Variants in INPPL1 observed in about 807,000 individuals in gnomAD.
INPPL1 encodes the protein inositol polyphosphate phosphatase like 1, also known as phosphatidylinositol 3,4,5-trisphosphate 5-phosphatase 2.
In INPPL1, 91 loss-of-function variants were observed where a neutral mutation model predicts 139.3. That is an observed-to-expected ratio of 0.65 (90% CI 0.55 to 0.78). The LOEUF (loss-of-function observed/expected upper bound fraction) is 0.78, where lower values mean the gene tolerates loss of function less well. INPPL1 is among the 30% of genes least tolerant of loss of function. The pLI is 0.00. For missense variants in INPPL1, 1,411 were observed against 1,665.6 expected (o/e 0.85, Z 2.66); for synonymous variants, 719 against 686.6 (o/e 1.05, Z -0.74).
chr11:72,228,160 T>TG lies in INPPL1; in HGVS notation c.183-29dup. 1 of 1,613,198 alleles carries TG rather than the reference T, an allele frequency of 6.2e-7. No individual in the cohort carries two copies. The highest frequency in any genetic ancestry group is 8.5e-7 in the Non-Finnish European group (1 of 1,179,382). On this transcript the variant is annotated intron_variant, in intron 1 of 27. Coordinates refer to ENST00000298229, the MANE Select transcript of INPPL1 (RefSeq NM_001567.4). The surrounding 1 kb of genome is among the most constrained non-coding windows in gnomAD (Gnocchi z 5.0). ...TGGGTCTTAGACCCCAGCCTGGGGGTGACAGATTCTGGCCCTGCCTTGGCA... is the reference window on the plus strand; with the variant it reads ...TGGGTCTTAGACCCCAGCCTGGGGGTGGACAGATTCTGGCCCTGCCTTGGCA...
rs777437863 is a variant in INPPL1 at position 72,235,121 on chromosome 11, A to G, written c.2421A>G (p.Lys807=). ...TGGGCCTCCCTGCTTCCCAGCTCAA[A>G]CCAATTCTGGCTGATATCGAGTACC... The part of the protein sequence containing the change: ...QWSSRQLPTL[K]PILADIEYLQ... The change falls in exon 22 of 28, where the codon AAA becomes AAG. Residue 807 remains lysine (K), a synonymous_variant. Coordinates refer to ENST00000298229, the MANE Select transcript of INPPL1 (RefSeq NM_001567.4). The surrounding 1 kb of genome is among the most constrained non-coding windows in gnomAD (Gnocchi z 4.9). The G allele has an allele frequency of 1.3e-5, 21 of 1,613,726 alleles. No individual in the cohort carries two copies. Among genetic ancestry groups the G allele is most frequent in the Non-Finnish European group, 1.8e-5 (21 of 1,179,918 alleles).
At position 72,225,145 on chromosome 11, in the gene INPPL1, G is replaced by C; in HGVS notation, c.161G>C (p.Gly54Ala). ...FLVRDSESVA[G>A]AFALCVLYQK... ...GTCCGAGACAGCGAGAGCGTGGCGG[G>C]GGCCTTCGCGCTCTGCGTCCTGTGA... Residue 54 changes from glycine (G) to alanine (A), a missense_variant, in exon 1 of 28, where the codon GGG (glycine) becomes GCG (alanine). Around this residue, in one of 5 missense-constraint regions of INPPL1, gnomAD observed 504 missense variants for 595.6 expected, o/e 0.85. Transcript: ENST00000298229. 2 of 1,231,488 alleles carry C rather than the reference G, an allele frequency of 1.6e-6. No homozygotes were observed. The highest frequency in any genetic ancestry group is 4.2e-5 in the Admixed American group (1 of 23,802). The allele number at this position is 1,231,488 out of a possible 1,614,324, so 76.3% of individuals were successfully genotyped here.
upstream of INPPL1, among the ~76,000 whole-genome samples, chr11:72,224,310 G>C (rs547365036): frequency 4.6e-5 from 7 of 151,626 alleles, no homozygotes; most frequent in East Asian, 1.4e-3. Flanking sequence ...TGGGGGCCCC[G>C]CCCGCTTGGG....
chr11:72,234,612 C>T lies in INPPL1; in HGVS notation c.2412C>T (p.Pro804=), dbSNP rs1948929383. The T allele has an allele frequency of 1.9e-6, 3 of 1,612,100 alleles. 1 individual carries two copies. The South Asian group carries it at 3.3e-5, about 18-fold the overall frequency. ...TGCAGTGGTCTTCACGCCAGCTGCC[C>T]ACGGTGAGGCTGTGGGCAGGGCCCC... ...LKVQWSSRQL[P]TLKPILADIE... Residue 804 remains proline (P), a synonymous_variant, in exon 21 of 28, where the codon CCC becomes CCT. Transcript: ENST00000298229. This position sits in a 1 kb window ranked among gnomAD's most constrained non-coding sequence, Gnocchi z 4.2.
Position 72,234,715 on chromosome 11 carries a change from CAG to C in INPPL1, c.2415+117_2415+118del, listed in dbSNP as rs539009625. ...TGCCTGGGAGGGAGTGTGGGGCCAG[CAG>C]AGAGAGAGAGAGAGAGTGTGTGTGT... is the stretch of plus-strand genomic sequence containing the variant. On this transcript the variant is annotated intron_variant, in intron 21 of 27. Coordinates refer to ENST00000298229, the MANE Select transcript of INPPL1 (RefSeq NM_001567.4). This position sits in a 1 kb window ranked among gnomAD's most constrained non-coding sequence, Gnocchi z 4.2. 6,735 of 579,470 alleles carry C rather than the reference CAG, an allele frequency of 0.012. No individual in the cohort carries two copies. The highest frequency in any genetic ancestry group is 0.023 in the South Asian group (1,083 of 47,152). 35.9% of individuals were successfully genotyped at this position (579,470 alleles called of 1,614,324 possible).
intron 1 of INPPL1, among the ~76,000 whole-genome samples, chr11:72,226,700 C>T (rs544849581): frequency 4.3e-4 from 66 of 152,302 alleles, no homozygotes; most frequent in Admixed American, 1.2e-3. Context: ...GGCCTCAAGT[C>T]TGAGGCCCAG....
rs757335516 is a variant in INPPL1, at chr11:72,229,543, C to T, written c.738C>T (p.Arg246=). The change falls in exon 6 of 28, where the codon CGC becomes CGT. Residue 246 remains arginine (R), a synonymous_variant. Coordinates refer to ENST00000298229, the MANE Select transcript of INPPL1 (RefSeq NM_001567.4). The part of the protein sequence containing the change: ...FDQQSSPMVT[R]LLQQQNLPQT... ...AGCAGAGCTCGCCCATGGTGACCCG[C>T]CTTTTGCAGCAGCAGGTAGATTGTA... 18 of 1,614,148 alleles carry T rather than the reference C, an allele frequency of 1.1e-5. No individual in the cohort carries two copies. The highest frequency in any genetic ancestry group is 1.5e-5 in the Non-Finnish European group (18 of 1,180,016).
chr11:72,231,735 C>T (rs1948841128), intron 13 of INPPL1, 120 bp downstream of exon 13: 1 of 717,782 alleles, frequency 1.4e-6, no homozygotes, highest in Non-Finnish European at 2.5e-6. Context: ...ATATAGGGTA[C>T]TTTGAACTTT....
intron 1 of INPPL1, chr11:72,225,671 G>A: frequency 7.3e-6 from 2 of 272,154 alleles, no homozygotes; most frequent in Non-Finnish European, 1.1e-5. Context: ...GCGGTGATGG[G>A]TGGTGTAGAG....
Position 72,237,184 on chromosome 11 carries a change from C to T in INPPL1, c.2940C>T (p.Ser980=), listed in dbSNP as rs1949011031. ...EGVAAPPPKN[S]FNNPAYYVLE... is the part of the protein sequence containing the mutation. ...TGGCGGCCCCCCCACCCAAGAACAG[C>T]TTCAATAACCCTGCCTACTACGTCC... Residue 980 remains serine, a synonymous_variant, in exon 26 of 28, where the codon AGC becomes AGT. Transcript: ENST00000298229. The T allele has an allele frequency of 1.2e-6, 2 of 1,612,872 alleles. No individual in the cohort carries two copies. The highest frequency in any genetic ancestry group is 4.5e-5 in the East Asian group (2 of 44,834).
chr11:72,228,591 A>G lies in INPPL1; in HGVS notation c.397+93A>G. On this transcript the variant is annotated intron_variant, in intron 3 of 27. Transcript: ENST00000298229. This position sits in a 1 kb window ranked among gnomAD's most constrained non-coding sequence, Gnocchi z 5.0. Reference sequence around the variant, plus strand: ...CCCTTCTCAACCCCACCTCTCCTGTAACCCCCTTTCCCTTGGCCATGATGC... The same window carrying G: ...CCCTTCTCAACCCCACCTCTCCTGTGACCCCCTTTCCCTTGGCCATGATGC... 6.6e-7 allele frequency: 1 copy of G among 1,517,098 alleles called. No individual in the cohort carries two copies. The highest frequency in any genetic ancestry group is 1.4e-5 in the African/African-American group (1 of 69,022). 94.0% of individuals were successfully genotyped at this position (1,517,098 alleles called of 1,614,324 possible).
rs70940829 is a variant in INPPL1, at chr11:72,233,177, A to C, written c.2040+14A>C. On this transcript the variant is annotated intron_variant, in intron 17 of 27. Coordinates refer to ENST00000298229, the MANE Select transcript of INPPL1 (RefSeq NM_001567.4). ...AAGCCAACTGGGGTGAGCCAAGAAA[A>C]CGGCATGGGCCTTGGGGGACCGCAG... The C allele has an allele frequency of 1.1e-5, 17 of 1,611,172 alleles. No individual in the cohort carries two copies. In the East Asian group the frequency reaches 3.8e-4, roughly 36 times the overall value.
chr11:72,225,445 G>A (rs1196311221), intron 1 of INPPL1: 2 of 985,264 alleles, frequency 2.0e-6, no homozygotes, highest in East Asian at 1.1e-4. Flanking sequence ...GGCATTCCCC[G>A]GCAGACCCCT....
chr11:72,233,065 C>T lies in INPPL1; in HGVS notation c.1952-10C>T, dbSNP rs1948880821. On this transcript the variant is annotated splice_polypyrimidine_tract_variant and intron_variant, in intron 16 of 27. Coordinates refer to ENST00000298229, the MANE Select transcript of INPPL1 (RefSeq NM_001567.4). ...GGCCCTGAACCCCACCTGTCTCCTG[C>T]TTTCCTTAGGTGAGGAGGAGATCTC... The T allele has an allele frequency of 6.2e-7, 1 of 1,613,634 alleles. No homozygotes were observed. The highest frequency in any genetic ancestry group is 1.1e-5 in the South Asian group (1 of 91,072).
intron 1 of INPPL1, among the ~76,000 whole-genome samples, chr11:72,226,949 CTGTG>C (rs1470831227): frequency 6.6e-6 from 1 of 152,046 alleles, no homozygotes; most frequent in African/African-American, 2.4e-5. Context: ...AGGGGTCTGT[CTGTG>C]AGTGGGGGCT....
chr11:72,237,834 T>C, intron 26 of INPPL1, 38 bp downstream of exon 26: 1 of 1,555,934 alleles, frequency 6.4e-7, no homozygotes, highest in East Asian at 2.4e-5. Context: ...TGTGCCTGAG[T>C]GTGCTTGCCC....
chr11:72,235,068 G>A lies in INPPL1; in HGVS notation c.2416-48G>A. 1 of 1,515,008 alleles carries A rather than the reference G, an allele frequency of 6.6e-7. No individual in the cohort carries two copies. Among genetic ancestry groups the A allele is most frequent in the East Asian group, 2.3e-5 (1 of 44,280 alleles). 93.8% of individuals were successfully genotyped at this position (1,515,008 alleles called of 1,614,324 possible). On this transcript the variant is annotated intron_variant, in intron 21 of 27. Transcript: ENST00000298229. This position sits in a 1 kb window ranked among gnomAD's most constrained non-coding sequence, Gnocchi z 4.9. ...AGGGGGCAGCGCGTAGGAGGGGCAG[G>A]AGGAAGTGGCGGGGCTTTGTTCCTC...
Position 72,238,125 on chromosome 11 carries a change from CTA to C in INPPL1, c.3638_3639del (p.Tyr1213Ter), listed in dbSNP as rs1484650919. The C allele has an allele frequency of 6.3e-7, 1 of 1,583,500 alleles. No individual in the cohort carries two copies. Among genetic ancestry groups the C allele is most frequent in the Non-Finnish European group, 8.6e-7 (1 of 1,165,290 alleles). On this transcript the variant is annotated frameshift_variant, in exon 27 of 28. Coordinates refer to ENST00000298229, the MANE Select transcript of INPPL1 (RefSeq NM_001567.4). LOFTEE classifies it high-confidence loss of function. The part of the protein sequence containing the change: ...AWLRAIGLER[Y>X]EEGLVHNGWD... ...GGCTGCGGGCCATCGGCTTGGAGCGCTATGAGGAGGGCCTGGTGCATAATGGC... is the reference window on the plus strand; with the variant it reads ...GGCTGCGGGCCATCGGCTTGGAGCGCTGAGGAGGGCCTGGTGCATAATGGC...
intron 10 of INPPL1, 107 bp from the exon 11 acceptor site, chr11:72,230,689 C>A: frequency 1.0e-6 from 1 of 964,536 alleles, no homozygotes; most frequent in Non-Finnish European, 1.6e-6. Flanking sequence ...CAGTGGAGAA[C>A]CAGACAGACC....
Sources: gnomAD v4.1 joint callset for allele counts (sites outside exome capture counted in the v4.1 genomes callset) on GRCh38, gnomAD v4.1.1 for gene constraint, gnomAD v4.1.1 regional missense constraint, Gnocchi (gnomAD v3.1) non-coding constraint, MANE v1.5 for transcripts, NCBI Gene and HGNC (gene_info 2026-07-23, HGNC 2026-07-21) for gene names.